The following PPP1R16A variants were observed in gnomAD, a reference collection of about 807,000 sequenced individuals.
PPP1R16A encodes protein phosphatase 1 regulatory subunit 16A, also known as myosin phosphatase-targeting subunit 3.
In PPP1R16A, 39 loss-of-function variants were observed where a neutral mutation model predicts 46.6. The observed-to-expected ratio is 0.84, with a 90% CI of 0.65 to 1.09. The LOEUF (loss-of-function observed/expected upper bound fraction) is 1.09. PPP1R16A is among the 50% of genes least tolerant of loss of function. The pLI is 0.00. For synonymous variants in PPP1R16A, 413 were observed against 321.5 expected (o/e 1.28, Z -3.04); for missense variants, 798 against 735.6 (o/e 1.08, Z -0.98).
chr8:144,486,664 G>T (rs759453585), intron 1 of PPP1R16A, among the ~76,000 whole-genome samples: 62 of 152,264 alleles, frequency 4.1e-4, no homozygotes, highest in Non-Finnish European at 7.5e-4. Context: ...CTTCAGTGAG[G>T]TGTGTCTTTG....
intron 2 of PPP1R16A, among the ~76,000 whole-genome samples, chr8:144,490,812 T>C (rs981491557): frequency 1.3e-5 from 2 of 152,118 alleles, no homozygotes; most frequent in African/African-American, 4.8e-5. Context: ...CACAACACTT[T>C]GGGAGGCTGA....
chr8:144,487,886 T>C (rs1825674896), intron 1 of PPP1R16A, among the ~76,000 whole-genome samples: 2 of 152,260 alleles, frequency 1.3e-5, no homozygotes, highest in African/African-American at 4.8e-5. Context: ...GTTGGGGTTT[T>C]GATTGGGACT....
At chr8:144,490,985 G>A (rs370902059) in intron 2 of PPP1R16A, among the ~76,000 whole-genome samples, 1 of 151,918 alleles carries the variant, frequency 6.6e-6, no homozygotes, top group African/African-American at 2.4e-5. Context: ...CTGGACCCCA[G>A]GAAGTTGAGG....
chr8:144,500,020 G>A (rs1160780341), intron 5 of PPP1R16A, 76 bp from the exon 6 acceptor site: 9 of 1,474,642 alleles, frequency 6.1e-6, no homozygotes, highest in Middle Eastern at 1.9e-4. Context: ...GGGCCCTGGC[G>A]GGGACTTCTC....
chr8:144,495,197 A>G (rs1825998734), intron 2 of PPP1R16A, among the ~76,000 whole-genome samples: 2 of 152,162 alleles, frequency 1.3e-5, no homozygotes, highest in African/African-American at 4.8e-5. Context: ...CTGAACCTGT[A>G]AAGTGGGGCT....
In PPP1R16A at chr8:144,496,727, T is replaced by G; in HGVS notation, c.-468T>G. On this transcript the variant is annotated 5_prime_UTR_variant, in exon 3 of 12. Transcript: ENST00000435887. ...CACCCAGGCTCCTGAGCCTAGAAGG[T>G]GAAAAGAGGACTCTCAGGGGCTCAC... The G allele has an allele frequency of 4.9e-6, 1 of 205,546 alleles. No individual in the cohort carries two copies. Among genetic ancestry groups the G allele is most frequent in the Non-Finnish European group, 1.0e-5 (1 of 99,888 alleles). The allele number at this position is 205,546 out of a possible 1,614,324, so 12.7% of individuals were successfully genotyped here. A position where few individuals can be genotyped will look rare whatever the true frequency, so the allele number is the denominator to read the frequency against.
At chr8:144,479,230 G>A (rs903214959) in intron 1 of PPP1R16A, 2 of 152,616 alleles carry the variant, frequency 1.3e-5, no homozygotes, top group Non-Finnish European at 2.9e-5. Flanking sequence ...GTGCGGCTGG[G>A]TTGCCTGAGG....
Position 144,498,855 on chromosome 8 carries a change from G to T in PPP1R16A, c.330+15G>T. The T allele has an allele frequency of 6.2e-7, 1 of 1,612,052 alleles. No homozygotes were observed. The highest frequency in any genetic ancestry group is 2.2e-5 in the East Asian group (1 of 44,846). On this transcript the variant is annotated intron_variant, in intron 4 of 11. Transcript: ENST00000435887. ...CCCTGCACCAGGTCAGCCTGCACTG[G>T]GTGTGGGCAGGGTGGGGGCTGGCCC...
chr8:144,501,804 C>A lies in PPP1R16A; in HGVS notation c.1488C>A (p.Asp496Glu). ...LPGDTVTPQPDCGFRAGGDPP... is the reference protein window; with the variant it reads ...LPGDTVTPQPECGFRAGGDPP... ...GTGACACGGTGACCCCCCAGCCTGA[C>A]TGTGGCTTCAGGGCAGGCGGGGACC... is the stretch of plus-strand genomic sequence containing the variant. The change falls in exon 12 of 12, where the codon GAC becomes GAA. Residue 496 changes from aspartate to glutamate, a missense_variant. By Grantham distance (45) the Asp-to-Glu change is conservative. Coordinates refer to ENST00000435887, the MANE Select transcript of PPP1R16A (RefSeq NM_001329443.2). The A allele has an allele frequency of 1.3e-6, 2 of 1,556,368 alleles. No homozygotes were observed. The highest frequency in any genetic ancestry group is 1.2e-5 in the South Asian group (1 of 84,702).
chr8:144,500,092 G>A lies in PPP1R16A; in HGVS notation c.477-4G>A. Reference sequence around the variant, plus strand: ...GCCCAGCACCCCGTCCGTCTTCCCTGCAGTGGCGCCAATCTCCTGGCGGTC... The same window carrying A: ...GCCCAGCACCCCGTCCGTCTTCCCTACAGTGGCGCCAATCTCCTGGCGGTC... On this transcript the variant is annotated splice_region_variant and splice_polypyrimidine_tract_variant and intron_variant, in intron 5 of 11. Coordinates refer to ENST00000435887, the MANE Select transcript of PPP1R16A (RefSeq NM_001329443.2). The A allele has an allele frequency of 6.2e-7, 1 of 1,605,832 alleles. No homozygotes were observed. Among genetic ancestry groups the A allele is most frequent in the South Asian group, 1.1e-5 (1 of 89,674 alleles).
intron 1 of PPP1R16A, among the ~76,000 whole-genome samples, chr8:144,480,632 G>A (rs1315901122): frequency 1.3e-5 from 2 of 151,798 alleles, no homozygotes; most frequent in Non-Finnish European, 1.5e-5. Context: ...GACTACAGGC[G>A]CATGCCACCA....
chr8:144,497,655 A>G, intron 3 of PPP1R16A: 1 of 742,570 alleles, frequency 1.3e-6, no homozygotes, highest in Non-Finnish European at 2.4e-6. Context: ...CCCTGAGGTG[A>G]GCCTGTGCGG....
Position 144,500,941 on chromosome 8 carries a change from G to A in PPP1R16A, c.1007G>A (p.Arg336His), listed in dbSNP as rs1271522063. The change falls in exon 10 of 12, where the codon CGC becomes CAC. Residue 336 changes from arginine to histidine, a missense_variant. By Grantham distance (29) the Arg-to-His change is conservative. Transcript: ENST00000435887. The stretch of plus-strand genomic sequence containing the variant: ...CAGAGCCGCCAGCGCTCCTTGCTGC[G>A]CCGCCGCACCTCCAGCGCCGGCAGC... ...RAQSRQRSLL[R>H]RRTSSAGSRG... 3 of 1,501,398 alleles carry A rather than the reference G, an allele frequency of 2.0e-6. No individual in the cohort carries two copies. Among genetic ancestry groups the A allele is most frequent in the East Asian group, 2.8e-5 (1 of 35,890 alleles). The allele number at this position is 1,501,398 out of a possible 1,614,324, so 93.0% of individuals were successfully genotyped here.
At chr8:144,489,445 G>T (rs1036234255) in intron 1 of PPP1R16A, among the ~76,000 whole-genome samples, 1 of 151,674 alleles carries the variant, frequency 6.6e-6, no homozygotes, top group Non-Finnish European at 1.5e-5. Flanking sequence ...GGCCCTGGAG[G>T]ACACTCAGAC....
intron 5 of PPP1R16A, 198 bp downstream of exon 5, chr8:144,499,259 C>A: frequency 1.5e-6 from 1 of 675,774 alleles, no homozygotes; most frequent in Non-Finnish European, 2.4e-6. Flanking sequence ...GCAGCGCGGT[C>A]CCTGCCTCCC....
intron 1 of PPP1R16A, chr8:144,478,435 A>C (rs1036730213): frequency 6.9e-6 from 2 of 289,472 alleles, no homozygotes; most frequent in Non-Finnish European, 1.3e-5. Flanking sequence ...TTGCTGGCTG[A>C]GGCCCAGGGC....
At chr8:144,487,824 T>G (rs540308360) in intron 1 of PPP1R16A, among the ~76,000 whole-genome samples, 29 of 152,250 alleles carry the variant, frequency 1.9e-4, no homozygotes, top group African/African-American at 7.0e-4. Context: ...CTAGTGTTCT[T>G]GGCCTTTTGT....
At chr8:144,497,512 G>C (rs767869059) in intron 3 of PPP1R16A, 59 bp downstream of exon 3, 1 of 1,604,816 alleles carries the variant, frequency 6.2e-7, no homozygotes. Flanking sequence ...TGCTACCTGG[G>C]TGCCGTCTCA....
At chr8:144,485,861 CCT>C (rs1825610741) in intron 1 of PPP1R16A, among the ~76,000 whole-genome samples, 3 of 152,224 alleles carry the variant, frequency 2.0e-5, no homozygotes, top group African/African-American at 7.2e-5. Flanking sequence ...AGCCTGAACC[CCT>C]GAGAGCCACT....
Sources: gnomAD v4.1 joint callset for allele counts (sites outside exome capture counted in the v4.1 genomes callset) on GRCh38, gnomAD v4.1.1 for gene constraint, MANE v1.5 for transcripts, NCBI Gene and HGNC (gene_info 2026-07-23, HGNC 2026-07-21) for gene names.